Variants in ADGRB3 observed in about 807,000 individuals in gnomAD.
The protein encoded by ADGRB3 is adhesion G protein-coupled receptor B3, also known as brain-specific angiogenesis inhibitor 3.
ADGRB3 carries 37 observed loss-of-function variants against 193.4 expected under a neutral mutation model. The observed-to-expected ratio is 0.19, with a 90% CI of 0.15 to 0.25. The LOEUF (loss-of-function observed/expected upper bound fraction) is 0.25. Ranked by LOEUF, ADGRB3 falls within the 10% of genes least tolerant of loss-of-function variation. The pLI, the probability that ADGRB3 is intolerant of heterozygous loss-of-function variation, is 1.00. For missense variants in ADGRB3, 1,637 were observed against 1,852.9 expected (o/e 0.88, Z 2.14); for synonymous variants, 690 against 644.2 (o/e 1.07, Z -1.08).
At chr6:69,379,281 G>A (rs1489663803) in intron 30 of ADGRB3, among the ~76,000 whole-genome samples, 1 of 151,868 alleles carries the variant, frequency 6.6e-6, no homozygotes, top group Admixed American at 6.6e-5. Context: ...TCTAAGTTCA[G>A]TTTTTGACAG....
chr6:68,808,954 A>G (rs1436904680), intron 3 of ADGRB3, among the ~76,000 whole-genome samples: 1 of 152,124 alleles, frequency 6.6e-6, no homozygotes, highest in Non-Finnish European at 1.5e-5. Context: ...GGGCTCAGGG[A>G]TCTGTATTCT....
intron 3 of ADGRB3, among the ~76,000 whole-genome samples, chr6:68,660,025 A>G (rs1428082919): frequency 6.6e-6 from 1 of 151,054 alleles, no homozygotes; most frequent in Non-Finnish European, 1.5e-5. Context: ...ACTTCAATTT[A>G]ATATAAATGT....
At chr6:68,760,538 G>A (rs1328630369) in intron 3 of ADGRB3, among the ~76,000 whole-genome samples, 1 of 152,174 alleles carries the variant, frequency 6.6e-6, no homozygotes, top group Non-Finnish European at 1.5e-5. Context: ...ATAAATCACA[G>A]AAGCTATGAA....
chr6:68,695,786 A>G (rs1256738384), intron 3 of ADGRB3, among the ~76,000 whole-genome samples: 2 of 151,894 alleles, frequency 1.3e-5, no homozygotes, highest in South Asian at 2.1e-4. Context: ...TGGCTCTGTC[A>G]TACAACACAT....
chr6:69,175,838 G>C (rs1775405192), intron 17 of ADGRB3, among the ~76,000 whole-genome samples: 2 of 152,120 alleles, frequency 1.3e-5, no homozygotes, highest in South Asian at 4.1e-4. Flanking sequence ...GGTTTTCCTT[G>C]TAGAGATCTT....
chr6:68,763,180 T>G (rs1766445043), intron 3 of ADGRB3, among the ~76,000 whole-genome samples: 3 of 102,112 alleles, frequency 2.9e-5, no homozygotes, highest in African/African-American at 9.0e-5. Flanking sequence ...AACCTCTGCC[T>G]CACAGGGTCA....
At chr6:68,709,781 G>A (rs1372925455) in intron 3 of ADGRB3, among the ~76,000 whole-genome samples, 7 of 152,072 alleles carry the variant, frequency 4.6e-5, no homozygotes, top group Non-Finnish European at 1.0e-4. Context: ...GCAAAAGGAC[G>A]TTTCTGTTTA....
intron 3 of ADGRB3, among the ~76,000 whole-genome samples, chr6:68,821,194 C>T (rs1413873771): frequency 1.3e-5 from 2 of 151,976 alleles, no homozygotes; most frequent in Non-Finnish European, 2.9e-5. Flanking sequence ...CTTTGAAGCT[C>T]TTACTTCTTT....
intron 20 of ADGRB3, among the ~76,000 whole-genome samples, chr6:69,285,557 G>A (rs867271750): frequency 1.2e-4 from 18 of 152,074 alleles, no homozygotes; most frequent in Non-Finnish European, 2.9e-5. Context: ...TGTAATCCCA[G>A]CTACTTGGGA....
rs574248967 is a variant in ADGRB3 at position 69,284,745 on chromosome 6, GTCTAGTTACTAATA to G, written c.2815-40125_2815-40112del. Among the ~76,000 whole-genome samples, 1,473 of 152,092 alleles carry G rather than the reference GTCTAGTTACTAATA, an allele frequency of 9.7e-3. 25 individuals carry two copies. Among genetic ancestry groups the G allele is most frequent in the African/African-American group, 0.034 (1,407 of 41,474 alleles). On this transcript the variant is annotated intron_variant, in intron 20 of 31. Transcript: ENST00000370598. ...ATTGACTGAAGGTGCTTCTCAAAATGTCTAGTTACTAATATGTAATTAATTTGTTTTGTTCTCCA... is the reference window on the plus strand; with the variant it reads ...ATTGACTGAAGGTGCTTCTCAAAATGTGTAATTAATTTGTTTTGTTCTCCA...
chr6:69,269,520 G>T (rs957391196), intron 20 of ADGRB3, among the ~76,000 whole-genome samples: 3 of 152,110 alleles, frequency 2.0e-5, no homozygotes, highest in Non-Finnish European at 2.9e-5. Flanking sequence ...ATCAGAATTT[G>T]AATTGCATAA....
intron 3 of ADGRB3, among the ~76,000 whole-genome samples, chr6:68,715,193 T>C (rs1226451577): frequency 6.6e-6 from 1 of 151,518 alleles, no homozygotes; most frequent in African/African-American, 2.4e-5. Flanking sequence ...TTCTATATAT[T>C]GAAATTGCAT....
intron 3 of ADGRB3, among the ~76,000 whole-genome samples, chr6:68,720,721 T>G (rs1765560696): frequency 6.6e-6 from 1 of 151,778 alleles, no homozygotes; most frequent in South Asian, 2.1e-4. Flanking sequence ...AGTCCTGCAC[T>G]CTCTTCTTCC....
chr6:68,779,230 A>ATGTGTGTGTG (rs4038665), intron 3 of ADGRB3, among the ~76,000 whole-genome samples: 61 of 144,602 alleles, frequency 4.2e-4, no homozygotes, highest in East Asian at 1.5e-3. Flanking sequence ...TGTATATATT[A>ATGTGTGTGTG]TGTGTGTGTG....
chr6:68,721,681 CTA>C lies in ADGRB3; in HGVS notation c.757+82252_757+82253del, dbSNP rs1765585327. On this transcript the variant is annotated intron_variant, in intron 3 of 31. Transcript: ENST00000370598. ...AAATTATCATCTCAACTTCAATAAG[CTA>C]TAGATGTATGTATTTATAATAAAGC... 3.5e-5 allele frequency among the ~76,000 whole-genome samples: 5 copies of C among 144,606 alleles called. No individual in the cohort carries two copies. The South Asian group carries it at 1.1e-3, about 31-fold the overall frequency. 94.9% of individuals were successfully genotyped at this position (144,606 alleles called of 152,430 possible). A position where few individuals can be genotyped will look rare whatever the true frequency, so the allele number is the denominator to read the frequency against.
At chr6:68,899,133 C>A (rs73747822) in intron 3 of ADGRB3, among the ~76,000 whole-genome samples, 4,487 of 152,042 alleles carry the variant, frequency 0.03, 195 homozygotes, top group African/African-American at 0.1. Context: ...TATATGGGAA[C>A]TTTTTGTACG....
At chr6:69,182,311 C>T (rs956950099) in intron 17 of ADGRB3, among the ~76,000 whole-genome samples, 3 of 151,840 alleles carry the variant, frequency 2.0e-5, no homozygotes, top group South Asian at 4.2e-4. Flanking sequence ...TCACAAATCA[C>T]CACTAAAGAA....
intron 17 of ADGRB3, among the ~76,000 whole-genome samples, chr6:69,122,494 A>AGGGGGGG (rs1773739170): frequency 1.0e-3 from 4 of 3,830 alleles, no homozygotes; most frequent in Non-Finnish European, 1.6e-3. Flanking sequence ...GGGGAGGGGG[A>AGGGGGGG]GGGGGAGAGG....
intron 3 of ADGRB3, among the ~76,000 whole-genome samples, chr6:68,651,209 C>A (rs1012661922): frequency 6.6e-6 from 1 of 152,262 alleles, no homozygotes; most frequent in South Asian, 2.1e-4. Flanking sequence ...ACTTAAAGGG[C>A]AAACTGTATA....
Sources: allele counts gnomAD v4.1 joint callset (sites outside exome capture counted in the v4.1 genomes callset), GRCh38; gene constraint gnomAD v4.1.1; transcripts MANE v1.5; gene names NCBI Gene and HGNC (gene_info 2026-07-23, HGNC 2026-07-21).